LACC1: variants seen among roughly 807,000 people sequenced by gnomAD.
LACC1 encodes laccase domain multifunctional purine nucleosidase 1.
In LACC1, 25 loss-of-function variants were observed where a neutral mutation model predicts 34.8. The ratio of observed to expected loss-of-function variants is 0.72; its 90% CI spans 0.52 to 1.00. The LOEUF (loss-of-function observed/expected upper bound fraction) is 1.00, where lower values mean the gene tolerates loss of function less well. Among genes scored for constraint, LACC1 ranks in the 50% least tolerant of loss-of-function variants. The probability of loss-of-function intolerance (pLI) is 0.00; values close to 1 mark genes in which losing one functional copy is unlikely to be tolerated. For missense variants in LACC1, 426 were observed against 511.2 expected, an observed-to-expected ratio of 0.83 and a Z score of 1.61; for synonymous variants, 162 against 168.0, an observed-to-expected ratio of 0.96 and a Z score of 0.28.
intron 3 of LACC1, among the ~76,000 whole-genome samples, chr13:43,883,169 A>G (rs1258523857): frequency 6.6e-6 from 1 of 152,242 alleles, no homozygotes; most frequent in East Asian, 1.9e-4. Context: ...GAATAAAATG[A>G]CATTATTCAA....
rs147799793 is a variant in LACC1, at chr13:43,883,905, A to G, written c.876A>G (p.Pro292=). The G allele has an allele frequency of 1.4e-5, 23 of 1,613,258 alleles. No individual in the cohort carries two copies. Among genetic ancestry groups the G allele is most frequent in the Middle Eastern group, 1.6e-4 (1 of 6,082 alleles). Residue 292 remains proline (P), a synonymous_variant, in exon 4 of 7, where the codon CCA becomes CCG. Transcript: ENST00000325686. ...GTATACCGATAGTTTTTGCAGATCC[A>G]GTCAAAAAAGCATGTGGGGTTGCTC... ...ADCIPIVFAD[P]VKKACGVAHA... is the part of the protein sequence containing the mutation.
At chr13:43,890,331 C>G in intron 6 of LACC1, 57 bp downstream of exon 6, 1 of 1,374,982 alleles carries the variant, frequency 7.3e-7, no homozygotes, top group African/African-American at 1.5e-5. Flanking sequence ...CCTCTCTCCA[C>G]TTCTCCCTCC....
At chr13:43,882,693 T>C (rs1371111033) in intron 3 of LACC1, among the ~76,000 whole-genome samples, 1 of 151,872 alleles carries the variant, frequency 6.6e-6, no homozygotes, top group Non-Finnish European at 1.5e-5. Context: ...GGCTAATTGA[T>C]ATAAATAAGA....
At position 43,881,112 on chromosome 13, in the gene LACC1, T is replaced by C. The variant is rs1379141718; in HGVS notation, c.127T>C (p.Cys43Arg). 4 of 1,614,120 alleles carry C rather than the reference T, an allele frequency of 2.5e-6. No individual in the cohort carries two copies. The highest frequency in any genetic ancestry group is 2.7e-5 in the African/African-American group (2 of 74,958). Residue 43 changes from cysteine to arginine, a missense_variant, in exon 2 of 7, where the codon TGT becomes CGT. This residue lies in a region of LACC1 where 217 missense variants were observed against 210.9 expected (regional missense o/e 1.03). Transcript: ENST00000325686. ...YHHAAKAKFL[C>R]IMCCSNISYE... is the part of the protein sequence containing the mutation. The stretch of plus-strand genomic sequence containing the variant: ...CCATGCTGCCAAGGCCAAGTTTCTC[T>C]GTATAATGTGTTGCAGTAACATCAG...
At chr13:43,883,403 G>C (rs1274207814) in intron 3 of LACC1, among the ~76,000 whole-genome samples, 4 of 152,112 alleles carry the variant, frequency 2.6e-5, no homozygotes, top group Non-Finnish European at 5.9e-5. Flanking sequence ...TCTTGGAAAA[G>C]TAAAAGTATC....
chr13:43,890,061 T>C, intron 5 of LACC1, 53 bp from the exon 6 acceptor site: 1 of 1,482,298 alleles, frequency 6.7e-7, no homozygotes, highest in South Asian at 1.2e-5. Context: ...CATATTGCTT[T>C]GGCTATTGGG....
upstream of LACC1, chr13:43,879,769 G>GGGCGAGGTGGGCGAGGT (rs1566960736): frequency 7.6e-6 from 1 of 131,932 alleles, no homozygotes. Flanking sequence ...GTGGGCGAGG[G>GGGCGAGGTGGGCGAGGT]GGGCGAGGTG....
chr13:43,889,450 C>A (rs1199634443), intron 5 of LACC1, among the ~76,000 whole-genome samples: 1 of 152,012 alleles, frequency 6.6e-6, no homozygotes, highest in Non-Finnish European at 1.5e-5. Context: ...TTTTACAGTT[C>A]TTCGCATCTT....
At chr13:43,889,393 GA>G (rs566693582) in intron 5 of LACC1, among the ~76,000 whole-genome samples, 2 of 151,918 alleles carry the variant, frequency 1.3e-5, no homozygotes, top group Non-Finnish European at 2.9e-5. Context: ...ATGTTTTTTA[GA>G]AAAAATATTA....
At chr13:43,885,802 A>T (rs1054116095) in intron 4 of LACC1, among the ~76,000 whole-genome samples, 1 of 152,232 alleles carries the variant, frequency 6.6e-6, no homozygotes, top group Non-Finnish European at 1.5e-5. Flanking sequence ...AAAAGAAACT[A>T]TCAACAGAGT....
chr13:43,884,326 C>T (rs1020929438), intron 4 of LACC1, among the ~76,000 whole-genome samples: 27 of 152,202 alleles, frequency 1.8e-4, no homozygotes, highest in African/African-American at 5.8e-4. Context: ...CAAGACCAAC[C>T]AACCAACCAA....
intron 5 of LACC1, 47 bp from the exon 6 acceptor site, chr13:43,890,067 T>C (rs1386512016): frequency 6.6e-6 from 10 of 1,518,724 alleles, no homozygotes; most frequent in Admixed American, 3.8e-5. Context: ...GCTTTGGCTA[T>C]TGGGAAAATA....
In LACC1 at chr13:43,892,750, T is replaced by C. The variant is rs1461676144; in HGVS notation, c.*1303T>C. On this transcript the variant is annotated 3_prime_UTR_variant, in exon 7 of 7. Transcript: ENST00000325686. ...AAGGAGATCCAATAATACAACCTTATAGTCACAGAAGTAAGAAAAAAAGGG... is the reference window on the plus strand; with the variant it reads ...AAGGAGATCCAATAATACAACCTTACAGTCACAGAAGTAAGAAAAAAAGGG... The C allele has an allele frequency of 6.9e-6, 1 of 144,678 alleles. No homozygotes were observed. Among genetic ancestry groups the C allele is most frequent in the Non-Finnish European group, 1.5e-5 (1 of 66,236 alleles). The allele number at this position is 144,678 out of a possible 1,614,324, so 9.0% of individuals were successfully genotyped here.
chr13:43,888,480 G>GA (rs1955433421), intron 4 of LACC1, among the ~76,000 whole-genome samples: 1 of 151,950 alleles, frequency 6.6e-6, no homozygotes, highest in Non-Finnish European at 1.5e-5. Flanking sequence ...TTTAAAATGT[G>GA]AAAAATAGAA....
chr13:43,883,811 A>T lies in LACC1; in HGVS notation c.782A>T (p.Glu261Val). The T allele has an allele frequency of 6.2e-7, 1 of 1,613,648 alleles. No homozygotes were observed. The highest frequency in any genetic ancestry group is 8.5e-7 in the Non-Finnish European group (1 of 1,179,672). ...SNDIWIMGRK[E>V]PDSYDGITTN... ...GACATCTGGATTATGGGAAGAAAGG[A>T]GCCTGACTCTTATGATGGAATAACC... Residue 261 changes from glutamate to valine, a missense_variant, in exon 4 of 7, where the codon GAG becomes GTG. This residue lies in a region of LACC1 where 209 missense variants were observed against 300.3 expected (regional missense o/e 0.70). Transcript: ENST00000325686.
chr13:43,879,329 G>T (rs1036699175), upstream of LACC1: 1 of 153,916 alleles, frequency 6.5e-6, no homozygotes. Flanking sequence ...AGGGCCCGTC[G>T]TTCCGCCGCC....
At position 43,881,032 on chromosome 13, in the gene LACC1, C is replaced by T; in HGVS notation, c.47C>T (p.Ser16Phe). The T allele has an allele frequency of 1.2e-6, 2 of 1,614,066 alleles. No individual in the cohort carries two copies. Among genetic ancestry groups the T allele is most frequent in the Non-Finnish European group, 1.7e-6 (2 of 1,179,988 alleles). The change falls in exon 2 of 7, where the codon TCT becomes TTT. Residue 16 changes from serine (S) to phenylalanine (F), a missense_variant. Physicochemically the swap from Ser to Phe is radical, Grantham distance 155. Transcript: ENST00000325686. Reference protein sequence around the residue: ...LIDLFGLKLNSQKNCHQTLLK... With the variant: ...LIDLFGLKLNFQKNCHQTLLK... The stretch of plus-strand genomic sequence containing the variant: ...GATCTTTTTGGTTTGAAATTGAACT[C>T]TCAAAAAAACTGCCATCAGACATTA...
rs1044336096 is a variant in LACC1 at position 43,891,948 on chromosome 13, T to C, written c.*501T>C. 1 of 152,078 alleles carries C rather than the reference T, an allele frequency of 6.6e-6. No homozygotes were observed. The highest frequency in any genetic ancestry group is 1.5e-5 in the Non-Finnish European group (1 of 68,004). The allele number at this position is 152,078 out of a possible 1,614,324, so 9.4% of individuals were successfully genotyped here. Reference sequence around the variant, plus strand: ...AGAAAATATTACAGAGAAAATCACATATCACATGGGCTCGAAAGATGTAGA... The same window carrying C: ...AGAAAATATTACAGAGAAAATCACACATCACATGGGCTCGAAAGATGTAGA... On this transcript the variant is annotated 3_prime_UTR_variant, in exon 7 of 7. Coordinates refer to ENST00000325686, the MANE Select transcript of LACC1 (RefSeq NM_153218.4).
chr13:43,881,252 T>C lies in LACC1; in HGVS notation c.267T>C (p.Tyr89=), dbSNP rs563110663. The part of the protein sequence containing the change: ...VSCPSMAATL[Y]TIKQKIDEKN... ...GTCCCAGCATGGCTGCCACTTTGTA[T>C]ACCATTAAACAGAAAATTGATGAAA... Residue 89 remains tyrosine (Y), a synonymous_variant, in exon 2 of 7, where the codon TAT becomes TAC. Transcript: ENST00000325686. 7.2e-5 allele frequency: 117 copies of C among 1,614,088 alleles called. No homozygotes were observed. Among genetic ancestry groups the C allele is most frequent in the Non-Finnish European group, 9.3e-5 (110 of 1,180,036 alleles).
Sources: gnomAD v4.1 joint callset for allele counts (sites outside exome capture counted in the v4.1 genomes callset) on GRCh38, gnomAD v4.1.1 for gene constraint, gnomAD v4.1.1 regional missense constraint, MANE v1.5 for transcripts, NCBI Gene and HGNC (gene_info 2026-07-23, HGNC 2026-07-21) for gene names.